The following MAP3K20 variants were observed in gnomAD, a reference collection of about 807,000 sequenced individuals.
MAP3K20 encodes mitogen-activated protein kinase kinase kinase 20.
A neutral mutation model predicts 85.7 loss-of-function variants in MAP3K20; 40 were observed. The observed-to-expected ratio is 0.47, with a 90% CI of 0.36 to 0.61. The LOEUF (loss-of-function observed/expected upper bound fraction) is 0.61. Among genes scored for constraint, MAP3K20 ranks in the 20% least tolerant of loss-of-function variants. MAP3K20 has a pLI of 0.00. For synonymous variants in MAP3K20, 325 were observed against 327.7 expected (o/e 0.99, Z 0.09); for missense variants, 817 against 961.7 (o/e 0.85, Z 1.99).
chr2:173,163,879 G>A (rs1689736549), intron 2 of MAP3K20, among the ~76,000 whole-genome samples: 1 of 152,060 alleles, frequency 6.6e-6, no homozygotes, highest in Non-Finnish European at 1.5e-5. Flanking sequence ...CTTTCATAAT[G>A]GCTAAACTAA....
intron 1 of MAP3K20, among the ~76,000 whole-genome samples, chr2:173,082,025 T>G (rs561527537): frequency 2.0e-5 from 3 of 151,468 alleles, no homozygotes; most frequent in Admixed American, 6.6e-5. Flanking sequence ...AATCCTTTGT[T>G]TTTTTTTTGG....
At chr2:173,102,542 A>G (rs1251399968) in intron 2 of MAP3K20, among the ~76,000 whole-genome samples, 3 of 152,232 alleles carry the variant, frequency 2.0e-5, no homozygotes, top group African/African-American at 7.2e-5. Context: ...TGAGACTGCC[A>G]GAATTTTAAT....
At position 173,116,277 on chromosome 2, in the gene MAP3K20, G is replaced by A. The variant is rs1688121527; in HGVS notation, c.159+25087G>A. On this transcript the variant is annotated intron_variant, in intron 2 of 19. Coordinates refer to ENST00000375213, the MANE Select transcript of MAP3K20 (RefSeq NM_016653.3). Reference sequence around the variant, plus strand: ...CCACATACTTACGATAGATCTGTTGGTGAGAACACTTAAAATATACTCTCT... The same window carrying A: ...CCACATACTTACGATAGATCTGTTGATGAGAACACTTAAAATATACTCTCT... Among the ~76,000 whole-genome samples the A allele has an allele frequency of 2.0e-5, 3 of 152,098 alleles. No individual in the cohort carries two copies. The South Asian group carries it at 6.2e-4, about 32-fold the overall frequency.
intron 2 of MAP3K20, among the ~76,000 whole-genome samples, chr2:173,168,747 T>C (rs936680839): frequency 6.6e-6 from 1 of 152,200 alleles, no homozygotes; most frequent in African/African-American, 2.4e-5. Flanking sequence ...TTATACCTCA[T>C]ATTTATAATT....
In MAP3K20 at chr2:173,093,883, G is replaced by T. The variant is rs556614026; in HGVS notation, c.159+2693G>T. Among the ~76,000 whole-genome samples the T allele has an allele frequency of 7.3e-5, 11 of 150,730 alleles. No homozygotes were observed. The South Asian group carries it at 2.3e-3, about 32-fold the overall frequency. ...AAATCATCATTCTCAGTAAACTATCGCAAGAACAAAAAACCAAACACCACA... is the reference window on the plus strand; with the variant it reads ...AAATCATCATTCTCAGTAAACTATCTCAAGAACAAAAAACCAAACACCACA... On this transcript the variant is annotated intron_variant, in intron 2 of 19. Transcript: ENST00000375213.
At chr2:173,184,036 G>A (rs915042036) in intron 4 of MAP3K20, among the ~76,000 whole-genome samples, 1 of 152,164 alleles carries the variant, frequency 6.6e-6, no homozygotes, top group Non-Finnish European at 1.5e-5. Flanking sequence ...TAAGCTCTGT[G>A]TTTAGGGTGG....
chr2:173,101,440 A>G (rs1331112753), intron 2 of MAP3K20, among the ~76,000 whole-genome samples: 1 of 152,236 alleles, frequency 6.6e-6, no homozygotes, highest in Non-Finnish European at 1.5e-5. Context: ...TGATCTCAGC[A>G]TATTGAGCAA....
At chr2:173,222,912 G>T (rs1410962104) in intron 11 of MAP3K20, 23 of 984,962 alleles carry the variant, frequency 2.3e-5, no homozygotes, top group Non-Finnish European at 2.7e-5. Flanking sequence ...TGAGGCAAAA[G>T]AACTAAGACT....
At chr2:173,118,962 A>C (rs1235379204) in intron 2 of MAP3K20, among the ~76,000 whole-genome samples, 1 of 152,248 alleles carries the variant, frequency 6.6e-6, no homozygotes, top group Non-Finnish European at 1.5e-5. Context: ...CTTCAGTATG[A>C]AAACAGTAGA....
intron 10 of MAP3K20, chr2:173,215,724 T>G (rs1419710628): frequency 6.6e-6 from 1 of 152,084 alleles, no homozygotes; most frequent in Non-Finnish European, 1.5e-5. Flanking sequence ...CTGTTCAGAG[T>G]TGGATTTTGC....
intron 7 of MAP3K20, among the ~76,000 whole-genome samples, chr2:173,195,416 A>G (rs1477574435): frequency 2.6e-5 from 4 of 152,188 alleles, no homozygotes; most frequent in Non-Finnish European, 5.9e-5. Flanking sequence ...CCAAGTTTCT[A>G]TTCTGTAAAC....
rs77938492 is a variant in MAP3K20 at position 173,101,516 on chromosome 2, C to T, written c.159+10326C>T. ...TGGAAATATTATGCTGAAGTAAAAC[C>T]AATTAACGTATTTCAGTAAAAATGT... On this transcript the variant is annotated intron_variant, in intron 2 of 19. Transcript: ENST00000375213. 5.2e-3 allele frequency among the ~76,000 whole-genome samples: 792 copies of T among 152,240 alleles called. 5 individuals carry two copies. Among genetic ancestry groups the T allele is most frequent in the Middle Eastern group, 0.041 (12 of 294 alleles).
At chr2:173,114,282 G>A (rs564437495) in intron 2 of MAP3K20, among the ~76,000 whole-genome samples, 1 of 152,140 alleles carries the variant, frequency 6.6e-6, no homozygotes, top group African/African-American at 2.4e-5. Context: ...GTACTTATGG[G>A]CTAGGTGAGT....
intron 2 of MAP3K20, among the ~76,000 whole-genome samples, chr2:173,129,680 A>G (rs192153590): frequency 1.3e-5 from 2 of 152,206 alleles, no homozygotes; most frequent in African/African-American, 2.4e-5. Flanking sequence ...TTGTGCTTTC[A>G]TAAGTGCTTT....
intron 16 of MAP3K20, among the ~76,000 whole-genome samples, chr2:173,241,094 C>A (rs1210944152): frequency 6.6e-6 from 1 of 152,094 alleles, no homozygotes; most frequent in Non-Finnish European, 1.5e-5. Context: ...GGAAGCATAG[C>A]AGGGGAGGGC....
rs1167959421 is a variant in MAP3K20 at position 173,134,425 on chromosome 2, TATA to T, written c.160-35379_160-35377del. Among the ~76,000 whole-genome samples the T allele has an allele frequency of 2.2e-4, 5 of 23,124 alleles. 1 individual carries two copies. Among genetic ancestry groups the T allele is most frequent in the South Asian group, 1.6e-3 (1 of 632 alleles). The allele number at this position is 23,124 out of a possible 152,430, so 15.2% of individuals were successfully genotyped here. A position where few individuals can be genotyped will look rare whatever the true frequency, so the allele number is the denominator to read the frequency against. On this transcript the variant is annotated intron_variant, in intron 2 of 19. Transcript: ENST00000375213. ...ATATATATATATATATATATATATA[TATA>T]TTTTTTTTTTTTTTTTTTTGCAGAG... is the stretch of plus-strand genomic sequence containing the variant.
chr2:173,121,452 T>C (rs910912497), intron 2 of MAP3K20, among the ~76,000 whole-genome samples: 10 of 152,104 alleles, frequency 6.6e-5, no homozygotes, highest in African/African-American at 1.9e-4. Flanking sequence ...CAGCAGGCAA[T>C]CTCGGCTCAC....
At chr2:173,077,379 CAAA>C (rs35541382) in intron 1 of MAP3K20, among the ~76,000 whole-genome samples, 12 of 96,218 alleles carry the variant, frequency 1.2e-4, no homozygotes, top group Non-Finnish European at 1.6e-4. Flanking sequence ...TTCAATTTTC[CAAA>C]AAAAAAAAAA....
intron 3 of MAP3K20, among the ~76,000 whole-genome samples, chr2:173,180,537 G>A (rs768395866): frequency 3.3e-5 from 5 of 152,078 alleles, no homozygotes; most frequent in African/African-American, 9.7e-5. Context: ...ATTAGCCAGC[G>A]TGGTGATGTG....
Sources: allele counts gnomAD v4.1 joint callset (sites outside exome capture counted in the v4.1 genomes callset), GRCh38; gene constraint gnomAD v4.1.1; transcripts MANE v1.5; gene names NCBI Gene and HGNC (gene_info 2026-07-23, HGNC 2026-07-21).